The following IL18RAP variants were observed in gnomAD, a reference collection of about 807,000 sequenced individuals.
IL18RAP encodes interleukin-18 receptor accessory protein.
Under a neutral mutation model 58.1 loss-of-function variants are expected in IL18RAP, and 37 were observed. That is an observed-to-expected ratio of 0.64 (90% CI 0.49 to 0.84). IL18RAP has a LOEUF of 0.84. IL18RAP is among the 40% of genes least tolerant of loss of function. IL18RAP has a pLI of 0.00. For synonymous variants in IL18RAP, 268 were observed against 257.5 expected (o/e 1.04, Z -0.39); for missense variants, 667 against 704.8 (o/e 0.95, Z 0.61).
chr2:102,446,354 C>A lies in IL18RAP; in HGVS notation c.1073-716C>A, dbSNP rs540580732. Among the ~76,000 whole-genome samples the A allele has an allele frequency of 6.2e-4, 95 of 152,110 alleles. 1 individual carries two copies. Among genetic ancestry groups the A allele is most frequent in the African/African-American group, 2.2e-3 (90 of 41,490 alleles). On this transcript the variant is annotated intron_variant, in intron 7 of 9. Transcript: ENST00000687160. Reference sequence around the variant, plus strand: ...TGGTTTTTGGTTACATGGATAAGTTCTTCAATCTGAAAATCTTTAGATTTT... The same window carrying A: ...TGGTTTTTGGTTACATGGATAAGTTATTCAATCTGAAAATCTTTAGATTTT...
chr2:102,443,166 T>C (rs1272902326), intron 5 of IL18RAP, 34 bp from the exon 6 acceptor site: 1 of 1,593,590 alleles, frequency 6.3e-7, no homozygotes, highest in Non-Finnish European at 8.5e-7. Flanking sequence ...CTCACCAGCT[T>C]CCTTCTTGTT....
chr2:102,441,126 G>A (rs1683077423), intron 4 of IL18RAP, among the ~76,000 whole-genome samples, 186 bp from the exon 5 acceptor site: 1 of 152,162 alleles, frequency 6.6e-6, no homozygotes, highest in Non-Finnish European at 1.5e-5. Flanking sequence ...AACCTGATGT[G>A]GCAGTCATTT....
In IL18RAP at chr2:102,423,992, G is replaced by A. The variant is rs752605497; in HGVS notation, c.252G>A (p.Trp84Ter). The change falls in exon 2 of 10, where the codon TGG becomes TGA. Residue 84 changes from tryptophan (W) to a stop codon, truncating the protein, a stop_gained. Transcript: ENST00000687160. LOFTEE classifies it high-confidence loss of function. ...GTAACGACCTATCTGATGTCCAATG[G>A]TACCAACAACCTTCGAATGGAGATC... ...MGSNDLSDVQ[W>*]YQQPSNGDPL... 6.2e-7 allele frequency: 1 copy of A among 1,614,024 alleles called. No individual in the cohort carries two copies. Among genetic ancestry groups the A allele is most frequent in the Non-Finnish European group, 8.5e-7 (1 of 1,179,990 alleles).
rs1467644509 is a variant in IL18RAP, at chr2:102,423,811, G to A, written c.71G>A (p.Gly24Asp). Residue 24 changes from glycine (G) to aspartate (D), a missense_variant and splice_region_variant, in exon 2 of 10, where the codon GGT (glycine) becomes GAT (aspartate). Coordinates refer to ENST00000687160, the MANE Select transcript of IL18RAP (RefSeq NM_001393487.1). ...GTGCTTTGTTTATTATGATTTTCAG[G>A]TTGTTCCACAAAAAAACTCCTTTGG... ...GERIKGFNIS[G>D]CSTKKLLWTY... The A allele has an allele frequency of 1.6e-5, 26 of 1,606,734 alleles. No individual in the cohort carries two copies. The highest frequency in any genetic ancestry group is 2.2e-5 in the Non-Finnish European group (26 of 1,174,310).
chr2:102,419,227 A>G (rs1015237463), upstream of IL18RAP, among the ~76,000 whole-genome samples: 1 of 152,238 alleles, frequency 6.6e-6, no homozygotes, highest in Admixed American at 6.5e-5. Flanking sequence ...CCAAATTTGA[A>G]TGCCCATTTA....
chr2:102,446,270 G>A (rs2104377568), intron 7 of IL18RAP, among the ~76,000 whole-genome samples: 1 of 152,320 alleles, frequency 6.6e-6, no homozygotes, highest in East Asian at 1.9e-4. Context: ...TTTATTGTAA[G>A]ACAGGTCTCA....
chr2:102,436,531 A>G (rs985206425), intron 3 of IL18RAP, among the ~76,000 whole-genome samples: 1 of 152,070 alleles, frequency 6.6e-6, no homozygotes, highest in African/African-American at 2.4e-5. Flanking sequence ...CACAGGAAAC[A>G]CACGAGGGAT....
At chr2:102,436,269 G>A (rs1190114313) in intron 3 of IL18RAP, among the ~76,000 whole-genome samples, 1 of 152,028 alleles carries the variant, frequency 6.6e-6, no homozygotes, top group Non-Finnish European at 1.5e-5. Flanking sequence ...TTTATGACAC[G>A]CCTCTCCCCT....
intron 8 of IL18RAP, among the ~76,000 whole-genome samples, chr2:102,449,099 C>A (rs905701988): frequency 6.6e-6 from 1 of 151,510 alleles, no homozygotes; most frequent in Admixed American, 6.6e-5. Context: ...GCAACCCCAT[C>A]CTTACTAAAA....
chr2:102,431,758 A>G (rs976562596), intron 3 of IL18RAP, among the ~76,000 whole-genome samples: 40 of 150,414 alleles, frequency 2.7e-4, no homozygotes, highest in Admixed American at 2.6e-3. Flanking sequence ...TTCAGGGAGA[A>G]GGATTTCTAT....
chr2:102,420,534 T>C (rs1013437013), upstream of IL18RAP, among the ~76,000 whole-genome samples: 2 of 152,126 alleles, frequency 1.3e-5, no homozygotes, highest in Non-Finnish European at 1.5e-5. Flanking sequence ...CATCTCAAGG[T>C]TGGCGGACAT....
intron 4 of IL18RAP, among the ~76,000 whole-genome samples, chr2:102,440,718 G>A (rs1188799464): frequency 6.6e-6 from 1 of 152,128 alleles, no homozygotes; most frequent in Non-Finnish European, 1.5e-5. Context: ...GTAAAAGTAG[G>A]TGATGTCAAC....
upstream of IL18RAP, among the ~76,000 whole-genome samples, chr2:102,422,967 C>G (rs1681668977): frequency 6.6e-6 from 1 of 152,148 alleles, no homozygotes; most frequent in Non-Finnish European, 1.5e-5. Context: ...AAAGAACACA[C>G]TGCATAGAGC....
At position 102,437,382 on chromosome 2, in the gene IL18RAP, C is replaced by G; in HGVS notation, c.730+20C>G. 6.2e-7 allele frequency: 1 copy of G among 1,601,732 alleles called. No individual in the cohort carries two copies. Among genetic ancestry groups the G allele is most frequent in the South Asian group, 1.1e-5 (1 of 87,906 alleles). On this transcript the variant is annotated intron_variant, in intron 4 of 9. Transcript: ENST00000687160. The stretch of plus-strand genomic sequence containing the variant: ...CCATTGGTAAGTGAGATTTTTATCT[C>G]AAGATTTGAGATCTGAGCAGCAAAT...
chr2:102,424,354 TTC>T lies in IL18RAP; in HGVS notation c.521_522del (p.Ser174LeufsTer9). On this transcript the variant is annotated frameshift_variant, in exon 3 of 10. Coordinates refer to ENST00000687160, the MANE Select transcript of IL18RAP (RefSeq NM_001393487.1). LOFTEE classifies it high-confidence loss of function. ...DLLLGSTGSI[S>X]CPSLSCQSDA... ...TACTTCTTGGGAGCACTGGCTCTAT[TTC>T]TTGCCCCAGTCTCAGCTGCCAAAGT... The T allele has an allele frequency of 6.2e-7, 1 of 1,614,082 alleles. No individual in the cohort carries two copies. The highest frequency in any genetic ancestry group is 8.5e-7 in the Non-Finnish European group (1 of 1,179,974).
intron 6 of IL18RAP, 28 bp from the exon 7 acceptor site, chr2:102,445,161 T>G (rs754333128): frequency 6.2e-7 from 1 of 1,606,100 alleles, no homozygotes; most frequent in African/African-American, 1.3e-5. Flanking sequence ...TGTTACTGAA[T>G]GGAGTGGTAT....
At chr2:102,435,571 G>A (rs1682679814) in intron 3 of IL18RAP, among the ~76,000 whole-genome samples, 1 of 152,156 alleles carries the variant, frequency 6.6e-6, no homozygotes, top group African/African-American at 2.4e-5. Flanking sequence ...GAATAGGCCA[G>A]GGAGGAGAGT....
chr2:102,435,462 A>G (rs1033010860), intron 3 of IL18RAP: 2 of 152,228 alleles, frequency 1.3e-5, no homozygotes, highest in African/African-American at 4.8e-5. Context: ...AGTAAATTCA[A>G]TTAGGAGCAG....
upstream of IL18RAP, among the ~76,000 whole-genome samples, chr2:102,421,662 A>G (rs1307374105): frequency 6.6e-6 from 1 of 152,178 alleles, no homozygotes; most frequent in Non-Finnish European, 1.5e-5. Context: ...TATCCGTGGC[A>G]TTCTGCAAGG....
Sources: allele counts gnomAD v4.1 joint callset (sites outside exome capture counted in the v4.1 genomes callset), GRCh38; gene constraint gnomAD v4.1.1; transcripts MANE v1.5; gene names NCBI Gene and HGNC (gene_info 2026-07-23, HGNC 2026-07-21).